The following LGR6 variants were observed in gnomAD, a reference collection of about 807,000 sequenced individuals.
LGR6 encodes leucine-rich repeat-containing G protein-coupled receptor 6.
In LGR6, 45 loss-of-function variants were observed where a neutral mutation model predicts 69.4. That is an observed-to-expected ratio of 0.65 (90% CI 0.51 to 0.83). The LOEUF is 0.83. Among genes scored for constraint, LGR6 ranks in the 40% least tolerant of loss-of-function variants. LGR6 has a pLI of 0.00. For synonymous variants in LGR6, 538 were observed against 555.0 expected (o/e 0.97, Z 0.43); for missense variants, 1,108 against 1,246.7 (o/e 0.89, Z 1.68).
rs544747357 is a variant in LGR6, at chr1:202,283,389, AATG to A, written c.716+2540_716+2542del. Among the ~76,000 whole-genome samples, 5 of 152,334 alleles carry A rather than the reference AATG, an allele frequency of 3.3e-5. No homozygotes were observed. In the South Asian group the frequency reaches 1.0e-3, roughly 32 times the overall value. On this transcript the variant is annotated intron_variant, in intron 6 of 17. Transcript: ENST00000367278. ...AGATGGGAGAATAAAAGGAGAAAGA[AATG>A]ATAGTCAAACCTTTTAATTGTTGCA...
At chr1:202,214,855 C>T (rs920528386) in intron 1 of LGR6, among the ~76,000 whole-genome samples, 1 of 152,076 alleles carries the variant, frequency 6.6e-6, no homozygotes, top group Non-Finnish European at 1.5e-5. Context: ...ATCCAGCAAA[C>T]GTAGCTCTTT....
Position 202,318,834 on chromosome 1 carries a change from G to C in LGR6, c.2531G>C (p.Arg844Pro). 1 of 1,613,226 alleles carries C rather than the reference G, an allele frequency of 6.2e-7. No individual in the cohort carries two copies. Among genetic ancestry groups the C allele is most frequent in the Non-Finnish European group, 8.5e-7 (1 of 1,179,716 alleles). Residue 844 changes from arginine (R) to proline (P), a missense_variant, in exon 18 of 18, where the codon CGC becomes CCC. Physicochemically the swap from Arg to Pro is moderately radical, Grantham distance 103. Transcript: ENST00000367278. ...GATGACCTTCGGCGGCTTCGGCCCC[G>C]CGCAGGGGACTCAGGGCCCCTAGCC... is the stretch of plus-strand genomic sequence containing the variant. ...FRDDLRRLRP[R>P]AGDSGPLAYA...
At chr1:202,299,543 A>C (rs972097978) in intron 7 of LGR6, among the ~76,000 whole-genome samples, 2 of 152,194 alleles carry the variant, frequency 1.3e-5, no homozygotes, top group African/African-American at 4.8e-5. Context: ...ATTGAGAGAA[A>C]GCTGCTTGAG....
rs1040860600 is a variant in LGR6, at chr1:202,223,710, T to C, written c.213-1713T>C. Among the ~76,000 whole-genome samples, 11 of 151,804 alleles carry C rather than the reference T, an allele frequency of 7.2e-5. No individual in the cohort carries two copies. The South Asian group carries it at 2.3e-3, about 32-fold the overall frequency. ...ACACAGTCTCACACACTGTTGCTCA[T>C]CCAGGCACAAACTGTGAAGAAGATG... On this transcript the variant is annotated intron_variant, in intron 1 of 17. Transcript: ENST00000367278.
chr1:202,242,824 G>A (rs532393097), intron 4 of LGR6, among the ~76,000 whole-genome samples: 4 of 152,100 alleles, frequency 2.6e-5, no homozygotes, highest in Non-Finnish European at 4.4e-5. Flanking sequence ...GCCTCTGATC[G>A]CCCTCCAAAG....
intron 4 of LGR6, 157 bp downstream of exon 4, chr1:202,236,150 G>C (rs1163298562): frequency 1.6e-6 from 1 of 639,636 alleles, no homozygotes; most frequent in South Asian, 1.8e-5. Context: ...GGTTTCTCCG[G>C]GGTTTTCTGT....
intron 4 of LGR6, among the ~76,000 whole-genome samples, chr1:202,257,890 G>A (rs911922980): frequency 6.6e-6 from 1 of 152,040 alleles, no homozygotes; most frequent in East Asian, 1.9e-4. Context: ...TGAATCTGTA[G>A]ATCAATTTGT....
At chr1:202,258,625 T>G (rs1436085053) in intron 4 of LGR6, among the ~76,000 whole-genome samples, 1 of 152,056 alleles carries the variant, frequency 6.6e-6, no homozygotes, top group African/African-American at 2.4e-5. Flanking sequence ...TTCATCATTG[T>G]CTCTTTTATT....
intron 4 of LGR6, among the ~76,000 whole-genome samples, chr1:202,261,462 T>C (rs1331322047): frequency 6.6e-6 from 1 of 152,200 alleles, no homozygotes; most frequent in Admixed American, 6.5e-5. Flanking sequence ...ATGTGCCACA[T>C]TTTCTTAATC....
At chr1:202,255,088 A>C (rs190136777) in intron 4 of LGR6, among the ~76,000 whole-genome samples, 46 of 152,314 alleles carry the variant, frequency 3.0e-4, no homozygotes, top group Admixed American at 5.2e-4. Flanking sequence ...CTGCCTGCCC[A>C]CTTGAAGGAA....
intron 4 of LGR6, among the ~76,000 whole-genome samples, chr1:202,240,736 C>T (rs910160151): frequency 1.3e-5 from 2 of 152,152 alleles, no homozygotes; most frequent in Non-Finnish European, 2.9e-5. Flanking sequence ...TAGATAGTGA[C>T]AGTAAAAGCA....
At chr1:202,296,532 G>A (rs1052327344) in intron 6 of LGR6, among the ~76,000 whole-genome samples, 1 of 152,082 alleles carries the variant, frequency 6.6e-6, no homozygotes, top group Admixed American at 6.6e-5. Flanking sequence ...CTGCCTTTGG[G>A]GCTCTTTTCT....
Position 202,307,420 on chromosome 1 carries a change from C to G in LGR6, c.1280+19C>G. 1 of 1,612,706 alleles carries G rather than the reference C, an allele frequency of 6.2e-7. No individual in the cohort carries two copies. Among genetic ancestry groups the G allele is most frequent in the South Asian group, 1.1e-5 (1 of 91,052 alleles). On this transcript the variant is annotated intron_variant, in intron 14 of 17. Coordinates refer to ENST00000367278, the MANE Select transcript of LGR6 (RefSeq NM_001017403.2). ...TCAAGCTGTAAGTGCCTGCTGCATT[C>G]TCCTCCAGGATGCTGGGGGCCAGTC... is the stretch of plus-strand genomic sequence containing the variant.
In LGR6 at chr1:202,208,857, C is replaced by T. The variant is rs563676453; in HGVS notation, c.212+14656C>T. 2.0e-4 allele frequency among the ~76,000 whole-genome samples: 30 copies of T among 152,230 alleles called. No individual in the cohort carries two copies. The South Asian group carries it at 6.2e-3, about 32-fold the overall frequency. ...GGGTCAGGAAATACCTGGGCTAACCCCTGGAACCCTAGCATGCCCAGTGCC... is the reference window on the plus strand; with the variant it reads ...GGGTCAGGAAATACCTGGGCTAACCTCTGGAACCCTAGCATGCCCAGTGCC... On this transcript the variant is annotated intron_variant, in intron 1 of 17. Transcript: ENST00000367278.
intron 1 of LGR6, among the ~76,000 whole-genome samples, chr1:202,197,616 T>TA (rs35461426): frequency 0.22 from 31,252 of 144,512 alleles, 3,299 homozygotes; most frequent in East Asian, 0.36. Flanking sequence ...TCTTTCTTCT[T>TA]AAAAAAAAAA....
intron 6 of LGR6, among the ~76,000 whole-genome samples, chr1:202,287,809 C>A (rs1021680976): frequency 6.6e-6 from 1 of 152,226 alleles, no homozygotes; most frequent in Non-Finnish European, 1.5e-5. Flanking sequence ...TCCACTGCTA[C>A]CACGATGCTC....
chr1:202,294,495 C>T (rs907369159), intron 6 of LGR6, among the ~76,000 whole-genome samples: 2 of 152,130 alleles, frequency 1.3e-5, no homozygotes, highest in African/African-American at 2.4e-5. Flanking sequence ...GTCATCTGGA[C>T]GCTCAACTAG....
intron 1 of LGR6, among the ~76,000 whole-genome samples, chr1:202,202,017 G>A (rs1003271712): frequency 2.0e-5 from 3 of 152,146 alleles, no homozygotes; most frequent in Non-Finnish European, 4.4e-5. Context: ...GAGCATCCAG[G>A]GAGGACCAGA....
At chr1:202,239,813 C>T (rs560479324) in intron 4 of LGR6, among the ~76,000 whole-genome samples, 2 of 152,282 alleles carry the variant, frequency 1.3e-5, no homozygotes, top group South Asian at 4.1e-4. Context: ...AGACTACTTA[C>T]CCTCTGCGTT....
Sources: gnomAD v4.1 joint callset for allele counts (sites outside exome capture counted in the v4.1 genomes callset) on GRCh38, gnomAD v4.1.1 for gene constraint, MANE v1.5 for transcripts, NCBI Gene and HGNC (gene_info 2026-07-23, HGNC 2026-07-21) for gene names.